Variants in MGMT observed in about 807,000 individuals in gnomAD.
The protein encoded by MGMT is methylated-DNA--protein-cysteine methyltransferase.
In MGMT, 14 loss-of-function variants were observed where a neutral mutation model predicts 15.9. That is an observed-to-expected ratio of 0.88 (90% CI 0.58 to 1.37). The LOEUF (loss-of-function observed/expected upper bound fraction) is 1.37. MGMT is among the 40% of genes most tolerant of loss of function. MGMT has a pLI of 0.00. For missense variants in MGMT, 282 were observed against 268.1 expected, an observed-to-expected ratio of 1.05 and a Z score of -0.36; for synonymous variants, 130 against 118.2, an observed-to-expected ratio of 1.10 and a Z score of -0.65.
rs566346708 is a variant in MGMT, at chr10:129,527,089, C to T, written c.-12-9152C>T. 5.3e-5 allele frequency among the ~76,000 whole-genome samples: 8 copies of T among 152,298 alleles called. No individual in the cohort carries two copies. The East Asian group carries it at 7.7e-4, about 15-fold the overall frequency. On this transcript the variant is annotated intron_variant, in intron 1 of 4. Coordinates refer to ENST00000651593, the MANE Select transcript of MGMT (RefSeq NM_002412.5). ...GTGGGGCCGTGGGCTTGTGCTTCGC[C>T]GGAGTGGGAAGTGGGGACATTAGGA...
chr10:129,471,014 G>A (rs1181556024), intron 1 of MGMT, among the ~76,000 whole-genome samples: 4 of 152,166 alleles, frequency 2.6e-5, no homozygotes, highest in Non-Finnish European at 2.9e-5. Flanking sequence ...TGATGCTTGC[G>A]AAGTCAGCAG....
At chr10:129,689,231 A>T (rs1334333037) in intron 2 of MGMT, among the ~76,000 whole-genome samples, 1 of 152,088 alleles carries the variant, frequency 6.6e-6, no homozygotes, top group Non-Finnish European at 1.5e-5. Context: ...GCCCAGCCCA[A>T]CCCTGTCCTT....
rs1326756466 is a variant in MGMT, at chr10:129,532,604, C to T, written c.-12-3637C>T. Among the ~76,000 whole-genome samples the T allele has an allele frequency of 6.6e-6, 1 of 152,106 alleles. No individual in the cohort carries two copies. The highest frequency in any genetic ancestry group is 1.9e-4 in the East Asian group (1 of 5,142). ...GTGGCCTTCCAAGGCTCCTACCTTT[C>T]TCCCTGGCCCTGTCTCTGCACACTC... On this transcript the variant is annotated intron_variant, in intron 1 of 4. Transcript: ENST00000651593. This position sits in a 1 kb window ranked among gnomAD's most constrained non-coding sequence, Gnocchi z 5.3.
intron 4 of MGMT, among the ~76,000 whole-genome samples, chr10:129,759,697 C>T (rs1349850291): frequency 6.6e-6 from 1 of 151,612 alleles, no homozygotes; most frequent in East Asian, 2.0e-4. Context: ...ATGGCCCACA[C>T]TCTTCTAGGT....
chr10:129,747,458 G>A (rs1043307464), intron 3 of MGMT, among the ~76,000 whole-genome samples: 2 of 152,034 alleles, frequency 1.3e-5, no homozygotes, highest in Non-Finnish European at 2.9e-5. Flanking sequence ...TGTTTTTCTA[G>A]GATATTAATA....
chr10:129,626,892 G>T (rs369523334), intron 2 of MGMT, among the ~76,000 whole-genome samples: 1 of 152,208 alleles, frequency 6.6e-6, no homozygotes, highest in Non-Finnish European at 1.5e-5. Flanking sequence ...TGCAGGGAAG[G>T]CTTCTCATCT....
chr10:129,577,695 TTAAAC>T (rs1846501555), intron 2 of MGMT, among the ~76,000 whole-genome samples: 3 of 152,262 alleles, frequency 2.0e-5, no homozygotes, highest in South Asian at 4.1e-4. Flanking sequence ...TGGGATCTAA[TTAAAC>T]TAAAGAGCTT....
At chr10:129,575,912 T>A (rs1221254869) in intron 2 of MGMT, among the ~76,000 whole-genome samples, 1 of 151,582 alleles carries the variant, frequency 6.6e-6, no homozygotes, top group South Asian at 2.1e-4. Context: ...AACACCTCTA[T>A]GCAAATAAAC....
intron 2 of MGMT, among the ~76,000 whole-genome samples, chr10:129,606,896 A>G (rs577313716): frequency 3.3e-5 from 5 of 152,332 alleles, no homozygotes; most frequent in South Asian, 4.1e-4. Flanking sequence ...TAAGCAATGC[A>G]TTTTTGTAGG....
chr10:129,562,697 G>A (rs1164679441), intron 2 of MGMT, among the ~76,000 whole-genome samples: 1 of 152,124 alleles, frequency 6.6e-6, no homozygotes. Flanking sequence ...GAGAAGATGG[G>A]GCTGAGCCAG....
chr10:129,597,595 C>G (rs1472064105), intron 2 of MGMT, among the ~76,000 whole-genome samples: 1 of 152,134 alleles, frequency 6.6e-6, no homozygotes, highest in Non-Finnish European at 1.5e-5. Flanking sequence ...TTTTGATTAT[C>G]CAAAAGCTCA....
chr10:129,515,858 G>T (rs1564839640), intron 1 of MGMT, among the ~76,000 whole-genome samples: 1 of 152,210 alleles, frequency 6.6e-6, no homozygotes, highest in Non-Finnish European at 1.5e-5. Context: ...AAATGTCTCT[G>T]CCTGCTACTG....
intron 3 of MGMT, among the ~76,000 whole-genome samples, chr10:129,715,118 A>T (rs1267186300): frequency 6.6e-6 from 1 of 152,246 alleles, no homozygotes; most frequent in African/African-American, 2.4e-5. Flanking sequence ...CTTGGTGGAC[A>T]TAACGAGGGT....
chr10:129,674,037 C>T (rs1847756801), intron 2 of MGMT, among the ~76,000 whole-genome samples: 1 of 152,164 alleles, frequency 6.6e-6, no homozygotes, highest in Non-Finnish European at 1.5e-5. Flanking sequence ...TGTAGGAAGG[C>T]AGCACCCTCA....
intron 2 of MGMT, among the ~76,000 whole-genome samples, chr10:129,688,730 A>G (rs148084231): frequency 0.011 from 1,677 of 152,282 alleles, 29 homozygotes; most frequent in African/African-American, 0.038. Flanking sequence ...AAGCAATGGC[A>G]ACAAAAGCCA....
chr10:129,738,578 C>T (rs1343283470), intron 3 of MGMT, among the ~76,000 whole-genome samples: 2 of 152,226 alleles, frequency 1.3e-5, no homozygotes, highest in African/African-American at 4.8e-5. Context: ...TTGGCTCCTC[C>T]CCATGTGCCA....
intron 2 of MGMT, among the ~76,000 whole-genome samples, chr10:129,596,270 A>G (rs1468347256): frequency 1.3e-5 from 2 of 152,054 alleles, no homozygotes; most frequent in African/African-American, 2.4e-5. Flanking sequence ...CCCCTCCCCA[A>G]CTCAGTCATA....
intron 1 of MGMT, among the ~76,000 whole-genome samples, chr10:129,485,523 C>A (rs1485738918): frequency 6.6e-6 from 1 of 152,216 alleles, no homozygotes; most frequent in Non-Finnish European, 1.5e-5. Context: ...ATCTGAAATG[C>A]TACAGCATCT....
intron 2 of MGMT, among the ~76,000 whole-genome samples, chr10:129,646,754 A>ATTTTTTTTTTTTTTTTTTTTTTTTT (rs1554873525): frequency 1.2e-5 from 1 of 86,678 alleles, no homozygotes; most frequent in Non-Finnish European, 2.6e-5. Flanking sequence ...ATATATATAT[A>ATTTTTTTTTTTTTTTTTTTTTTTTT]TTTTCAGGGA....
Sources: gnomAD v4.1 joint callset for allele counts (sites outside exome capture counted in the v4.1 genomes callset) on GRCh38, gnomAD v4.1.1 for gene constraint, Gnocchi (gnomAD v3.1) non-coding constraint, MANE v1.5 for transcripts, NCBI Gene and HGNC (gene_info 2026-07-23, HGNC 2026-07-21) for gene names.